RBFOX1: variants seen among roughly 807,000 people sequenced by gnomAD.
RBFOX1 encodes the protein RNA binding fox-1 homolog 1.
In RBFOX1, 8 loss-of-function variants were observed where a neutral mutation model predicts 57.7. The observed-to-expected ratio is 0.14, with a 90% CI of 0.08 to 0.25. The LOEUF (loss-of-function observed/expected upper bound fraction) is 0.25. Ranked by LOEUF, RBFOX1 falls within the 10% of genes least tolerant of loss-of-function variation. The pLI is 1.00. For synonymous variants in RBFOX1, 326 were observed against 222.4 expected (o/e 1.47, Z -4.15); for missense variants, 611 against 548.5 (o/e 1.11, Z -1.14).
intron 4 of RBFOX1, among the ~76,000 whole-genome samples, chr16:7,417,086 G>C (rs771967517): frequency 6.6e-6 from 1 of 152,016 alleles, no homozygotes; most frequent in Admixed American, 6.6e-5. Flanking sequence ...ATAGCACAAA[G>C]AGTCCGGGCA....
chr16:7,594,459 C>G (rs1480925729), intron 7 of RBFOX1, among the ~76,000 whole-genome samples: 2 of 152,100 alleles, frequency 1.3e-5, no homozygotes, highest in African/African-American at 4.8e-5. Context: ...GTGTATATTT[C>G]TGAACAAGAT....
At chr16:5,553,574 C>T (rs934957538) in intron 2 of RBFOX1, among the ~76,000 whole-genome samples, 2 of 151,666 alleles carry the variant, frequency 1.3e-5, no homozygotes, top group Non-Finnish European at 1.5e-5. Context: ...CTCAGCCTCC[C>T]AAAGTGCTGG....
chr16:7,705,937 C>G (rs2082288337), intron 14 of RBFOX1, among the ~76,000 whole-genome samples: 1 of 152,080 alleles, frequency 6.6e-6, no homozygotes, highest in Non-Finnish European at 1.5e-5. Context: ...CCACTTTGGC[C>G]AGGGATGCAT....
At chr16:5,797,758 C>G (rs2054926072) in intron 3 of RBFOX1, among the ~76,000 whole-genome samples, 1 of 152,040 alleles carries the variant, frequency 6.6e-6, no homozygotes, top group African/African-American at 2.4e-5. Flanking sequence ...TGGAATTAAG[C>G]TAAAATACGA....
At chr16:6,900,823 T>C (rs7206911) in intron 3 of RBFOX1, among the ~76,000 whole-genome samples, 1,727 of 152,278 alleles carry the variant, frequency 0.011, 30 homozygotes, top group African/African-American at 0.04. Flanking sequence ...CCACTTAACA[T>C]GTTATGGTTG....
chr16:6,233,787 T>C (rs1286503880), intron 1 of RBFOX1, among the ~76,000 whole-genome samples: 2 of 152,110 alleles, frequency 1.3e-5, no homozygotes, highest in South Asian at 4.1e-4. Context: ...CTTTATTTTT[T>C]TTCCATCCGT....
intron 1 of RBFOX1, among the ~76,000 whole-genome samples, chr16:6,118,023 G>C (rs2096515831): frequency 6.6e-6 from 1 of 152,138 alleles, no homozygotes; most frequent in Non-Finnish European, 1.5e-5. Flanking sequence ...AAAATTTTTT[G>C]AGATAATTTT....
chr16:6,985,671 T>C (rs1307295006), intron 3 of RBFOX1, among the ~76,000 whole-genome samples: 1 of 151,794 alleles, frequency 6.6e-6, no homozygotes, highest in African/African-American at 2.4e-5. Flanking sequence ...CTACAAAAAA[T>C]ACAAAAAAGA....
chr16:7,169,620 A>G (rs2080277272), intron 4 of RBFOX1, among the ~76,000 whole-genome samples: 1 of 152,208 alleles, frequency 6.6e-6, no homozygotes, highest in Non-Finnish European at 1.5e-5. Flanking sequence ...AGTCCCATTT[A>G]CCAGTGAAGA....
chr16:6,008,713 C>T (rs557059479), intron 4 of RBFOX1, among the ~76,000 whole-genome samples: 4 of 152,138 alleles, frequency 2.6e-5, no homozygotes, highest in African/African-American at 4.8e-5. Context: ...CCTGGCAGAG[C>T]GTTTAGCCTT....
intron 4 of RBFOX1, among the ~76,000 whole-genome samples, chr16:5,901,402 T>C (rs1418847089): frequency 6.6e-6 from 1 of 152,186 alleles, no homozygotes; most frequent in Non-Finnish European, 1.5e-5. Context: ...TGTCTTATGA[T>C]GTAAGGATGA....
At chr16:5,856,510 A>T (rs890840060) in intron 3 of RBFOX1, among the ~76,000 whole-genome samples, 1 of 122,434 alleles carries the variant, frequency 8.2e-6, no homozygotes, top group African/African-American at 3.1e-5. Flanking sequence ...GTGCATTTTG[A>T]CCAACATCTC....
intron 3 of RBFOX1, among the ~76,000 whole-genome samples, chr16:7,035,471 C>A (rs542043135): frequency 7.2e-5 from 11 of 152,242 alleles, no homozygotes; most frequent in Non-Finnish European, 1.5e-4. Flanking sequence ...ACAGATAAGA[C>A]TTCCCCTGGG....
intron 1 of RBFOX1, among the ~76,000 whole-genome samples, chr16:6,190,493 C>G (rs946441587): frequency 1.3e-5 from 2 of 152,104 alleles, no homozygotes; most frequent in African/African-American, 4.8e-5. Flanking sequence ...TTGATTATTT[C>G]AGAAAATTAG....
intron 3 of RBFOX1, among the ~76,000 whole-genome samples, chr16:6,753,007 A>G (rs754519698): frequency 5.3e-5 from 8 of 152,192 alleles, no homozygotes; most frequent in Non-Finnish European, 1.2e-4. Context: ...CAAATACACA[A>G]TTGTGCAAAT....
intron 3 of RBFOX1, among the ~76,000 whole-genome samples, chr16:5,741,306 C>T (rs2151591393): frequency 6.6e-6 from 1 of 152,314 alleles, no homozygotes; most frequent in South Asian, 2.1e-4. Context: ...TCAATCCTGT[C>T]ACTTTCCAAG....
chr16:7,513,622 T>G (rs568959411), intron 4 of RBFOX1, among the ~76,000 whole-genome samples: 2 of 152,276 alleles, frequency 1.3e-5, no homozygotes, highest in South Asian at 2.1e-4. Context: ...CCTCCCTCAT[T>G]TGTGACAAAA....
chr16:6,632,642 C>G (rs1190721149), intron 2 of RBFOX1, among the ~76,000 whole-genome samples: 1 of 152,142 alleles, frequency 6.6e-6, no homozygotes, highest in Non-Finnish European at 1.5e-5. Flanking sequence ...TTGAGCTATT[C>G]CACTCATGAC....
intron 2 of RBFOX1, among the ~76,000 whole-genome samples, chr16:5,587,236 A>G (rs1011326396): frequency 1.3e-5 from 2 of 152,228 alleles, no homozygotes; most frequent in African/African-American, 2.4e-5. Flanking sequence ...AAATTCAGCA[A>G]TACAGACACA....
Sources: gnomAD v4.1 joint callset for allele counts (sites outside exome capture counted in the v4.1 genomes callset) on GRCh38, gnomAD v4.1.1 for gene constraint, MANE v1.5 for transcripts, NCBI Gene and HGNC (gene_info 2026-07-23, HGNC 2026-07-21) for gene names.